VASH2: variants seen among roughly 807,000 people sequenced by gnomAD.
VASH2 encodes vasohibin 2.
A neutral mutation model predicts 37.2 loss-of-function variants in VASH2; 28 were observed. The observed-to-expected ratio is 0.75, with a 90% CI of 0.56 to 1.03. The LOEUF is 1.03. VASH2 is among the 50% of genes least tolerant of loss of function. The probability of loss-of-function intolerance (pLI) is 0.00; values close to 1 mark genes in which losing one functional copy is unlikely to be tolerated. For missense variants in VASH2, 419 were observed against 459.1 expected (o/e 0.91, Z 0.80); for synonymous variants, 188 against 174.7 (o/e 1.08, Z -0.60).
rs1270411270 is a variant in VASH2, at chr1:212,990,097, A to G, written c.*1513A>G. The G allele has an allele frequency of 6.6e-6, 1 of 152,142 alleles. No homozygotes were observed. The highest frequency in any genetic ancestry group is 1.9e-4 in the East Asian group (1 of 5,194). The allele number at this position is 152,142 out of a possible 1,614,324, so 9.4% of individuals were successfully genotyped here. A position where few individuals can be genotyped will look rare whatever the true frequency, so the allele number is the denominator to read the frequency against. On this transcript the variant is annotated 3_prime_UTR_variant, in exon 8 of 8. Transcript: ENST00000517399. ...AAAAGCTCATTGAGATTCTTTACCA[A>G]TTCTTTACAAGATTTCTGGGGGTGA...
chr1:212,951,472 C>A lies in VASH2; in HGVS notation c.-71C>A. The A allele has an allele frequency of 7.1e-6, 7 of 985,770 alleles. No individual in the cohort carries two copies. The highest frequency in any genetic ancestry group is 8.7e-6 in the Non-Finnish European group (7 of 802,152). 61.1% of individuals were successfully genotyped at this position (985,770 alleles called of 1,614,324 possible). A position where few individuals can be genotyped will look rare whatever the true frequency, so the allele number is the denominator to read the frequency against. The stretch of plus-strand genomic sequence containing the variant: ...TCCCCTCGCCGCGCCCGCGCGCACA[C>A]GCCCCCCGCCGCCGCCGCCGCTGCC... On this transcript the variant is annotated 5_prime_UTR_variant, in exon 2 of 8. Transcript: ENST00000517399. This position sits in a 1 kb window ranked among gnomAD's most constrained non-coding sequence, Gnocchi z 4.4.
chr1:212,950,735 C>A lies in VASH2; in HGVS notation c.-210C>A, dbSNP rs1666276471. ...GCTCTGCAGCCATGAAGCCAACCGT[C>A]CCGAGGTAGGATCTTGGAGCTGCCG... On this transcript the variant is annotated 5_prime_UTR_variant, in exon 1 of 8. Transcript: ENST00000517399. This position sits in a 1 kb window ranked among gnomAD's most constrained non-coding sequence, Gnocchi z 5.5. 1 of 153,978 alleles carries A rather than the reference C, an allele frequency of 6.5e-6. No homozygotes were observed. Among genetic ancestry groups the A allele is most frequent in the Non-Finnish European group, 1.5e-5 (1 of 68,776 alleles). 9.5% of individuals were successfully genotyped at this position (153,978 alleles called of 1,614,324 possible).
At chr1:212,963,528 C>T (rs114573144) in intron 3 of VASH2, among the ~76,000 whole-genome samples, 1,703 of 149,788 alleles carry the variant, frequency 0.011, 40 homozygotes, top group African/African-American at 0.041. Context: ...AGGACAAATC[C>T]TGCCTTCCCC....
chr1:212,955,309 C>T (rs1666454110), intron 2 of VASH2, among the ~76,000 whole-genome samples: 1 of 152,206 alleles, frequency 6.6e-6, no homozygotes, highest in African/African-American at 2.4e-5. Context: ...GCCATGGTAA[C>T]TTCTGCCTGA....
chr1:212,962,157 G>A (rs996955502), intron 3 of VASH2, among the ~76,000 whole-genome samples: 1 of 152,206 alleles, frequency 6.6e-6, no homozygotes, highest in South Asian at 2.1e-4. Context: ...CAGACCAGCT[G>A]GTTTGGTCCC....
At chr1:212,988,064 C>T (rs953688024) in intron 7 of VASH2, among the ~76,000 whole-genome samples, 1 of 152,170 alleles carries the variant, frequency 6.6e-6, no homozygotes, top group Non-Finnish European at 1.5e-5. Flanking sequence ...ATTAACCGCT[C>T]CCTGGGAACG....
Position 212,965,707 on chromosome 1 carries a change from A to G in VASH2, c.366-15A>G. On this transcript the variant is annotated splice_polypyrimidine_tract_variant and intron_variant, in intron 3 of 7. Coordinates refer to ENST00000517399, the MANE Select transcript of VASH2 (RefSeq NM_001301056.2). ...TGGAGTTTTCTGTCACTTTCCCTTT[A>G]CATACTTTACACAGATATAATCACA... 3 of 1,549,220 alleles carry G rather than the reference A, an allele frequency of 1.9e-6. No homozygotes were observed. Among genetic ancestry groups the G allele is most frequent in the South Asian group, 2.4e-5 (2 of 83,906 alleles).
At chr1:212,975,743 C>G (rs561454948) in intron 7 of VASH2, among the ~76,000 whole-genome samples, 44 of 152,308 alleles carry the variant, frequency 2.9e-4, no homozygotes, top group African/African-American at 9.6e-4. Flanking sequence ...GATTTATTAT[C>G]TGTTTTGCCC....
intron 2 of VASH2, among the ~76,000 whole-genome samples, chr1:212,956,912 A>G (rs1441236363): frequency 6.6e-6 from 1 of 152,100 alleles, no homozygotes; most frequent in Non-Finnish European, 1.5e-5. Context: ...TAAGTGTACA[A>G]CTCTGTGGCA....
intron 2 of VASH2, among the ~76,000 whole-genome samples, chr1:212,959,398 A>C (rs531590856): frequency 6.6e-6 from 1 of 152,204 alleles, no homozygotes; most frequent in African/African-American, 2.4e-5. Flanking sequence ...TGGAGCTTGC[A>C]GAATAGCTGT....
chr1:212,961,811 C>T (rs1666687673), intron 3 of VASH2, among the ~76,000 whole-genome samples: 1 of 152,202 alleles, frequency 6.6e-6, no homozygotes, highest in Non-Finnish European at 1.5e-5. Flanking sequence ...CCATGTTAGT[C>T]AGGCTGGCCT....
intron 7 of VASH2, among the ~76,000 whole-genome samples, chr1:212,983,929 A>G (rs1472363460): frequency 6.6e-6 from 1 of 152,238 alleles, no homozygotes; most frequent in Non-Finnish European, 1.5e-5. Flanking sequence ...TGCTAACTGC[A>G]TGACTTTGCT....
At position 212,951,842 on chromosome 1, in the gene VASH2, TG is replaced by T. The variant is rs372412368; in HGVS notation, c.276+30del. On this transcript the variant is annotated intron_variant, in intron 2 of 7. Transcript: ENST00000517399. The surrounding 1 kb of genome is among the most constrained non-coding windows in gnomAD (Gnocchi z 4.4). ...AGGTCAGTGGCTTCCAGGGCGGAGTTGGGGGGCTGGGGGTAGGTAGGCAGCG... is the reference window on the plus strand; with the variant it reads ...AGGTCAGTGGCTTCCAGGGCGGAGTTGGGGGCTGGGGGTAGGTAGGCAGCG... 6.7e-5 allele frequency: 106 copies of T among 1,585,200 alleles called. 1 individual carries two copies. The African/African-American group carries it at 1.0e-3, about 15-fold the overall frequency.
At chr1:212,973,089 G>T in intron 6 of VASH2, 128 bp downstream of exon 6, 1 of 1,209,390 alleles carries the variant, frequency 8.3e-7, no homozygotes, top group Non-Finnish European at 1.1e-6. Flanking sequence ...GTCTCTCTTT[G>T]CACATACTAC....
intron 5 of VASH2, 100 bp downstream of exon 5, chr1:212,966,445 C>G: frequency 2.3e-5 from 22 of 960,198 alleles, no homozygotes; most frequent in Non-Finnish European, 3.6e-5. Flanking sequence ...GAGATGATGC[C>G]CATTATCTCC....
intron 2 of VASH2, among the ~76,000 whole-genome samples, chr1:212,953,978 G>T (rs1267585120): frequency 4.0e-5 from 6 of 151,322 alleles, no homozygotes; most frequent in Non-Finnish European, 7.4e-5. Context: ...GTGTGATCAT[G>T]GCTCACGGCA....
intron 7 of VASH2, among the ~76,000 whole-genome samples, chr1:212,984,985 C>G (rs1204447265): frequency 6.6e-6 from 1 of 152,102 alleles, no homozygotes; most frequent in Non-Finnish European, 1.5e-5. Context: ...TCAGGTTTGG[C>G]TAAGGTTAGG....
intron 7 of VASH2, among the ~76,000 whole-genome samples, chr1:212,986,499 C>A (rs1667483089): frequency 6.6e-6 from 1 of 152,134 alleles, no homozygotes; most frequent in Non-Finnish European, 1.5e-5. Context: ...GTGTAAGAAC[C>A]CTAGTTCTGT....
chr1:212,970,795 C>T (rs370621625), intron 5 of VASH2, among the ~76,000 whole-genome samples: 5 of 151,702 alleles, frequency 3.3e-5, no homozygotes, highest in Admixed American at 1.3e-4. Context: ...GAGGCTGAGG[C>T]GGGAGAATCG....
Sources: gnomAD v4.1 joint callset for allele counts (sites outside exome capture counted in the v4.1 genomes callset) on GRCh38, gnomAD v4.1.1 for gene constraint, Gnocchi (gnomAD v3.1) non-coding constraint, MANE v1.5 for transcripts, NCBI Gene and HGNC (gene_info 2026-07-23, HGNC 2026-07-21) for gene names.